The following TRAPPC9 variants were observed in gnomAD, a reference collection of about 807,000 sequenced individuals.
TRAPPC9 encodes the protein trafficking protein particle complex subunit 9.
In TRAPPC9, 83 loss-of-function variants were observed where a neutral mutation model predicts 124.0. That is an observed-to-expected ratio of 0.67 (90% CI 0.56 to 0.80). TRAPPC9 has a LOEUF of 0.80. Among genes scored for constraint, TRAPPC9 ranks in the 30% least tolerant of loss-of-function variants. The pLI is 0.00. For missense variants in TRAPPC9, 1,302 were observed against 1,508.3 expected (o/e 0.86, Z 2.27); for synonymous variants, 638 against 617.5 (o/e 1.03, Z -0.49).
intron 17 of TRAPPC9, among the ~76,000 whole-genome samples, chr8:140,118,834 CAG>C (rs1274257029): frequency 6.6e-6 from 1 of 152,204 alleles, no homozygotes; most frequent in African/African-American, 2.4e-5. Context: ...CACACTGGTG[CAG>C]AAAGCCTGGC....
intron 2 of TRAPPC9, among the ~76,000 whole-genome samples, chr8:140,449,487 G>A (rs939112776): frequency 6.6e-6 from 1 of 152,222 alleles, no homozygotes; most frequent in South Asian, 2.1e-4. Flanking sequence ...GGAAGGAAGT[G>A]GCAAGGAAGA....
At chr8:139,763,448 C>CCCCT (rs752041197) in intron 21 of TRAPPC9, among the ~76,000 whole-genome samples, 2 of 140,094 alleles carry the variant, frequency 1.4e-5, no homozygotes, top group Admixed American at 7.0e-5. Flanking sequence ...ACATGTTAGT[C>CCCCT]CCCTCCCTCC....
At chr8:140,427,159 C>T (rs1373868431) in intron 4 of TRAPPC9, among the ~76,000 whole-genome samples, 1 of 149,248 alleles carries the variant, frequency 6.7e-6, no homozygotes, top group Non-Finnish European at 1.5e-5. Flanking sequence ...TGGTCTCAAA[C>T]TGCTGGGATT....
chr8:139,998,875 A>G (rs1295156393), intron 18 of TRAPPC9, among the ~76,000 whole-genome samples: 2 of 152,208 alleles, frequency 1.3e-5, no homozygotes, highest in South Asian at 2.1e-4. Flanking sequence ...AAAAGCGCCT[A>G]TATTTGAGAT....
At chr8:140,057,167 T>C (rs927537180) in intron 17 of TRAPPC9, among the ~76,000 whole-genome samples, 1 of 152,204 alleles carries the variant, frequency 6.6e-6, no homozygotes, top group Non-Finnish European at 1.5e-5. Context: ...TTAGGATGAC[T>C]ATTATCAAAA....
chr8:140,293,494 A>C (rs1159405576), intron 11 of TRAPPC9, among the ~76,000 whole-genome samples: 1 of 152,270 alleles, frequency 6.6e-6, no homozygotes, highest in East Asian at 1.9e-4. Flanking sequence ...GACTGGATTA[A>C]GGCCATGTGG....
At chr8:139,806,716 T>C (rs1824089847) in intron 21 of TRAPPC9, among the ~76,000 whole-genome samples, 1 of 152,222 alleles carries the variant, frequency 6.6e-6, no homozygotes, top group African/African-American at 2.4e-5. Flanking sequence ...AGTCCATTTC[T>C]GTTGCTGGCA....
At chr8:140,276,503 A>AG (rs1390644822) in intron 14 of TRAPPC9, among the ~76,000 whole-genome samples, 2 of 152,144 alleles carry the variant, frequency 1.3e-5, no homozygotes, top group African/African-American at 4.8e-5. Context: ...CACAGAAGCC[A>AG]GGGCCTCCCC....
chr8:140,244,666 C>A (rs140373106), intron 16 of TRAPPC9, among the ~76,000 whole-genome samples: 1 of 152,154 alleles, frequency 6.6e-6, no homozygotes, highest in Non-Finnish European at 1.5e-5. Context: ...AAAGAGGGCA[C>A]GTGCAGCAGC....
intron 5 of TRAPPC9, among the ~76,000 whole-genome samples, chr8:140,418,253 T>C (rs539232567): frequency 6.6e-6 from 1 of 152,178 alleles, no homozygotes; most frequent in African/African-American, 2.4e-5. Context: ...CTGTCTTCAA[T>C]GGTGAATTCT....
At chr8:139,882,502 C>T (rs549800040) in intron 21 of TRAPPC9, among the ~76,000 whole-genome samples, 7 of 152,292 alleles carry the variant, frequency 4.6e-5, no homozygotes, top group Non-Finnish European at 1.0e-4. Context: ...TACCTGTTCC[C>T]CCAGAGGCTG....
chr8:140,375,012 C>G (rs13252048), intron 7 of TRAPPC9, among the ~76,000 whole-genome samples: 63,257 of 151,938 alleles, frequency 0.42, 13,404 homozygotes, highest in East Asian at 0.55. Context: ...GGGAAAAGCT[C>G]GAGCGCAACT....
At chr8:140,157,179 A>AAGCCTCCCTTTTCCATTCAG (rs1563804614) in intron 17 of TRAPPC9, among the ~76,000 whole-genome samples, 2 of 52,330 alleles carry the variant, frequency 3.8e-5, no homozygotes, top group African/African-American at 1.2e-4. Flanking sequence ...TTTCCATTCA[A>AAGCCTCCCTTTTCCATTCAG]AAGCCTCCCT....
chr8:139,904,180 G>A (rs139164289), intron 20 of TRAPPC9, among the ~76,000 whole-genome samples: 1 of 152,342 alleles, frequency 6.6e-6, no homozygotes, highest in African/African-American at 2.4e-5. Flanking sequence ...ATAAACGGCT[G>A]TTGGATGAAC....
intron 17 of TRAPPC9, among the ~76,000 whole-genome samples, chr8:140,142,301 A>G (rs543691560): frequency 7.8e-4 from 119 of 152,382 alleles, no homozygotes; most frequent in African/African-American, 2.8e-3. Flanking sequence ...CATTAGAGGC[A>G]CACAATAGAC....
intron 21 of TRAPPC9, among the ~76,000 whole-genome samples, chr8:139,814,349 A>G (rs1413118670): frequency 6.6e-6 from 1 of 152,242 alleles, no homozygotes; most frequent in Admixed American, 6.5e-5. Context: ...GTCGCTGCTC[A>G]GAACCCCTCA....
At chr8:140,188,058 C>T (rs180739679) in intron 17 of TRAPPC9, among the ~76,000 whole-genome samples, 2 of 152,280 alleles carry the variant, frequency 1.3e-5, no homozygotes, top group African/African-American at 2.4e-5. Context: ...TTACTCCCCA[C>T]AAAATATCCA....
chr8:139,731,157 G>T lies in TRAPPC9; in HGVS notation c.3351C>A (p.His1117Gln), dbSNP rs2129922472. ...TGGTGCTGTCCTCGTGGAACCGGAT[G>T]TGGAGGAAGAAGTCTCCCGTGTAGA... ...LFLYTGDFFL[H>Q]IRFHEDSTSK... Residue 1117 changes from histidine to glutamine, a missense_variant, in exon 23 of 23, where the codon CAC becomes CAA. Coordinates refer to ENST00000438773, the MANE Select transcript of TRAPPC9 (RefSeq NM_001160372.4). 6.2e-7 allele frequency: 1 copy of T among 1,614,020 alleles called. No homozygotes were observed. The highest frequency in any genetic ancestry group is 1.7e-4 in the Middle Eastern group (1 of 6,058).
intron 17 of TRAPPC9, among the ~76,000 whole-genome samples, chr8:140,141,241 C>T (rs938596901): frequency 3.3e-5 from 5 of 152,168 alleles, no homozygotes; most frequent in African/African-American, 1.2e-4. Flanking sequence ...TGGAGAATAG[C>T]GGAAATAAAC....
Sources: allele counts gnomAD v4.1 joint callset (sites outside exome capture counted in the v4.1 genomes callset), GRCh38; gene constraint gnomAD v4.1.1; transcripts MANE v1.5; gene names NCBI Gene and HGNC (gene_info 2026-07-23, HGNC 2026-07-21).